Variants in KCNH5 observed in about 807,000 individuals in gnomAD.
KCNH5 encodes potassium voltage-gated channel subfamily H member 5, also known as voltage-gated delayed rectifier potassium channel KCNH5.
Under a neutral mutation model 96.1 loss-of-function variants are expected in KCNH5, and 46 were observed. The ratio of observed to expected loss-of-function variants is 0.48; its 90% CI spans 0.38 to 0.61. The LOEUF (loss-of-function observed/expected upper bound fraction) is 0.61. Ranked by LOEUF, KCNH5 falls within the 20% of genes least tolerant of loss-of-function variation. The pLI is 0.00. For missense variants in KCNH5, 907 were observed against 1,225.8 expected, an observed-to-expected ratio of 0.74 and a Z score of 3.88; for synonymous variants, 439 against 449.8, an observed-to-expected ratio of 0.98 and a Z score of 0.30.
intron 4 of KCNH5, among the ~76,000 whole-genome samples, chr14:62,999,096 C>T (rs974639473): frequency 5.3e-5 from 8 of 152,246 alleles, no homozygotes; most frequent in East Asian, 3.9e-4. Context: ...TTCTAGATCC[C>T]GGAGGAATCG....
At chr14:62,731,186 A>G (rs1885041944) in intron 10 of KCNH5, among the ~76,000 whole-genome samples, 1 of 151,998 alleles carries the variant, frequency 6.6e-6, no homozygotes, top group Non-Finnish European at 1.5e-5. Context: ...CTATAATCCC[A>G]GCTACTTGGG....
intron 7 of KCNH5, among the ~76,000 whole-genome samples, chr14:62,866,788 G>GA (rs1319640847): frequency 2.9e-4 from 44 of 152,174 alleles, no homozygotes; most frequent in Non-Finnish European, 1.3e-4. Context: ...TCCATTTACA[G>GA]ATCAGAAATT....
chr14:62,889,242 C>A (rs1390712950), intron 7 of KCNH5, among the ~76,000 whole-genome samples: 1 of 152,150 alleles, frequency 6.6e-6, no homozygotes, highest in Non-Finnish European at 1.5e-5. Flanking sequence ...TTTTACTCAA[C>A]AAATACTTAT....
chr14:62,762,925 T>C (rs2139957769), intron 10 of KCNH5, among the ~76,000 whole-genome samples: 1 of 152,260 alleles, frequency 6.6e-6, no homozygotes, highest in South Asian at 2.1e-4. Flanking sequence ...GAGACTTAGA[T>C]AACCACCCTA....
chr14:62,970,160 A>G (rs1374914307), intron 6 of KCNH5, among the ~76,000 whole-genome samples: 1 of 151,862 alleles, frequency 6.6e-6, no homozygotes, highest in Non-Finnish European at 1.5e-5. Flanking sequence ...AGGGGACACT[A>G]CTACAAATTC....
chr14:62,876,401 G>C (rs1034526106), intron 7 of KCNH5, among the ~76,000 whole-genome samples: 1 of 152,142 alleles, frequency 6.6e-6, no homozygotes, highest in Non-Finnish European at 1.5e-5. Context: ...CAATTAGAAA[G>C]GTGACGTATA....
chr14:62,970,806 A>G lies in KCNH5; in HGVS notation c.942+10066T>C, dbSNP rs900300407. ...TTAACAACTCCAACATCGATTCATG[A>G]TAAAATACTCTCAACAAACTACAAG... On this transcript the variant is annotated intron_variant, in intron 6 of 10. Transcript: ENST00000322893. Among the ~76,000 whole-genome samples the G allele has an allele frequency of 1.5e-4, 23 of 152,184 alleles. No homozygotes were observed. In the South Asian group the frequency reaches 4.4e-3, roughly 29 times the overall value.
chr14:62,890,592 G>A (rs1888689305), intron 7 of KCNH5, among the ~76,000 whole-genome samples: 3 of 151,532 alleles, frequency 2.0e-5, no homozygotes, highest in Admixed American at 6.6e-5. Context: ...CCAGCTACTT[G>A]GGAGGCTGAG....
intron 8 of KCNH5, among the ~76,000 whole-genome samples, chr14:62,826,830 G>A (rs969506914): frequency 3.3e-5 from 5 of 151,358 alleles, no homozygotes; most frequent in African/African-American, 1.2e-4. Flanking sequence ...TTCATCATAT[G>A]TATTTTACTT....
At chr14:62,937,012 G>C (rs1337890770) in intron 7 of KCNH5, among the ~76,000 whole-genome samples, 1 of 144,184 alleles carries the variant, frequency 6.9e-6, no homozygotes, top group Non-Finnish European at 1.5e-5. Context: ...GATGAAGAAA[G>C]AGGAGGAGAA....
intron 8 of KCNH5, among the ~76,000 whole-genome samples, chr14:62,848,896 G>A (rs1366716897): frequency 6.6e-6 from 1 of 152,144 alleles, no homozygotes; most frequent in African/African-American, 2.4e-5. Context: ...CTCAAGACTG[G>A]TTTCCTCTAA....
At chr14:62,909,900 C>T (rs559751816) in intron 7 of KCNH5, among the ~76,000 whole-genome samples, 2 of 151,898 alleles carry the variant, frequency 1.3e-5, no homozygotes, top group Non-Finnish European at 1.5e-5. Flanking sequence ...TCTCTTCTAA[C>T]GAAAAATACA....
At chr14:62,776,485 A>G (rs1281200165) in intron 10 of KCNH5, among the ~76,000 whole-genome samples, 1 of 152,170 alleles carries the variant, frequency 6.6e-6, no homozygotes, top group Non-Finnish European at 1.5e-5. Flanking sequence ...CCCAGCCTCC[A>G]GAACTGTGAG....
chr14:62,842,948 A>G (rs1356351494), intron 8 of KCNH5, among the ~76,000 whole-genome samples: 1 of 152,230 alleles, frequency 6.6e-6, no homozygotes, highest in East Asian at 1.9e-4. Context: ...AGACACAATC[A>G]TATAATCTTA....
intron 6 of KCNH5, among the ~76,000 whole-genome samples, chr14:62,957,825 G>A (rs111233228): frequency 4.6e-5 from 7 of 152,224 alleles, no homozygotes; most frequent in African/African-American, 7.2e-5. Context: ...CCAACTCAGC[G>A]GCTGACCACA....
chr14:62,934,832 C>T (rs963667085), intron 7 of KCNH5, among the ~76,000 whole-genome samples: 1 of 152,040 alleles, frequency 6.6e-6, no homozygotes, highest in Admixed American at 6.6e-5. Flanking sequence ...TTTGTTTTCA[C>T]TTTAAAATCT....
chr14:62,934,095 A>G (rs1477031314), intron 7 of KCNH5, among the ~76,000 whole-genome samples: 1 of 151,864 alleles, frequency 6.6e-6, no homozygotes, highest in African/African-American at 2.4e-5. Context: ...GAGTAAATGG[A>G]CACACTTTTT....
At chr14:62,744,848 C>A (rs1595603460) in intron 10 of KCNH5, among the ~76,000 whole-genome samples, 1 of 152,156 alleles carries the variant, frequency 6.6e-6, no homozygotes, top group Non-Finnish European at 1.5e-5. Context: ...ACACCACATG[C>A]CTCTTTCTAA....
At chr14:62,798,635 G>A (rs1303958299) in intron 9 of KCNH5, among the ~76,000 whole-genome samples, 2 of 152,142 alleles carry the variant, frequency 1.3e-5, no homozygotes, top group African/African-American at 2.4e-5. Flanking sequence ...GACATGAACT[G>A]CAATTATATT....
Sources: gnomAD v4.1 joint callset for allele counts (sites outside exome capture counted in the v4.1 genomes callset) on GRCh38, gnomAD v4.1.1 for gene constraint, MANE v1.5 for transcripts, NCBI Gene and HGNC (gene_info 2026-07-23, HGNC 2026-07-21) for gene names.